The following SYCP1 variants were observed in gnomAD, a reference collection of about 807,000 sequenced individuals.
The protein encoded by SYCP1 is synaptonemal complex protein 1.
In SYCP1, 64 loss-of-function variants were observed where a neutral mutation model predicts 153.1. That is an observed-to-expected ratio of 0.42 (90% confidence interval 0.34 to 0.51). SYCP1 has a LOEUF of 0.51. Among genes scored for constraint, SYCP1 ranks in the 20% least tolerant of loss-of-function variants. The pLI is 0.06. For missense variants in SYCP1, 997 were observed against 1,049.0 expected, an observed-to-expected ratio of 0.95 and a Z score of 0.68; for synonymous variants, 384 against 341.8, an observed-to-expected ratio of 1.12 and a Z score of -1.36.
chr1:114,860,916 C>A (rs1664328522), intron 8 of SYCP1, 107 bp downstream of exon 8: 1 of 736,732 alleles, frequency 1.4e-6, no homozygotes, highest in South Asian at 2.3e-5. Context: ...TTGATTTGAA[C>A]AAATTATATG....
At chr1:114,957,622 A>T (rs1671524472) in intron 27 of SYCP1, among the ~76,000 whole-genome samples, 1 of 152,212 alleles carries the variant, frequency 6.6e-6, no homozygotes, top group Non-Finnish European at 1.5e-5. Context: ...TCTGATTAAA[A>T]ATTGGACAAA....
intron 27 of SYCP1, among the ~76,000 whole-genome samples, chr1:114,976,180 T>G (rs1672781090): frequency 6.6e-6 from 1 of 151,824 alleles, no homozygotes; most frequent in East Asian, 1.9e-4. Flanking sequence ...TTTGTGATAT[T>G]ATTTCAGAAC....
chr1:114,973,400 G>A (rs879056084), intron 27 of SYCP1, among the ~76,000 whole-genome samples: 1 of 151,952 alleles, frequency 6.6e-6, no homozygotes, highest in Admixed American at 6.6e-5. Context: ...CACTCATTAT[G>A]CATTTTCTAG....
At chr1:114,960,284 C>T (rs1415520707) in intron 27 of SYCP1, among the ~76,000 whole-genome samples, 3 of 150,464 alleles carry the variant, frequency 2.0e-5, no homozygotes, top group African/African-American at 7.4e-5. Context: ...TCTCCTGCCT[C>T]AGCCTCCCGA....
At chr1:114,897,471 G>T (rs1306944036) in intron 16 of SYCP1, among the ~76,000 whole-genome samples, 2 of 152,168 alleles carry the variant, frequency 1.3e-5, no homozygotes, top group Admixed American at 1.3e-4. Context: ...AGCCTGACTG[G>T]TAAGAAAAAC....
At chr1:114,868,602 T>G (rs1324325463) in intron 8 of SYCP1, among the ~76,000 whole-genome samples, 4 of 152,212 alleles carry the variant, frequency 2.6e-5, no homozygotes, top group African/African-American at 9.6e-5. Context: ...GCTTCTATCT[T>G]CTGAAAGAGA....
At chr1:114,926,478 A>G in intron 22 of SYCP1, 23 bp from the exon 23 acceptor site, 2 of 1,533,912 alleles carry the variant, frequency 1.3e-6, no homozygotes, top group Non-Finnish European at 1.8e-6. Flanking sequence ...AGTACTAAAT[A>G]TAATTATTTT....
At chr1:114,948,730 C>T (rs1670908252) in intron 27 of SYCP1, among the ~76,000 whole-genome samples, 1 of 152,122 alleles carries the variant, frequency 6.6e-6, no homozygotes, top group Non-Finnish European at 1.5e-5. Flanking sequence ...GAGTACAGGG[C>T]TTTGAAATTT....
At position 114,882,830 on chromosome 1, in the gene SYCP1, G is replaced by A. The variant is rs150101667; in HGVS notation, c.911-2705G>A. On this transcript the variant is annotated intron_variant, in intron 12 of 31. Transcript: ENST00000369522. ...GAACGCTTGGGGTGTCCTGAACTAC[G>A]CAGGTGATTTGAACCTGGGCTGCAA... Among the ~76,000 whole-genome samples the A allele has an allele frequency of 2.3e-3, 344 of 152,252 alleles. 1 individual carries two copies. The highest frequency in any genetic ancestry group is 0.014 in the Middle Eastern group (4 of 294).
intron 21 of SYCP1, among the ~76,000 whole-genome samples, chr1:114,925,256 C>T (rs565934709): frequency 1.3e-4 from 20 of 152,120 alleles, no homozygotes; most frequent in Non-Finnish European, 2.6e-4. Flanking sequence ...AAATTTGTAT[C>T]AGAGGCCACT....
rs1663872628 is a variant in SYCP1, at chr1:114,855,451, C to T, written c.-14C>T. ...CCCCCGGGGCAGTAGATATTTACAA[C>T]CGTAACAGAGAAAATGGAAAAGCAA... On this transcript the variant is annotated 5_prime_UTR_variant, in exon 2 of 32. Transcript: ENST00000369522. 1 of 1,606,086 alleles carries T rather than the reference C, an allele frequency of 6.2e-7. No homozygotes were observed. Among genetic ancestry groups the T allele is most frequent in the Non-Finnish European group, 8.5e-7 (1 of 1,175,452 alleles).
intron 16 of SYCP1, among the ~76,000 whole-genome samples, chr1:114,903,579 C>G (rs1428196632): frequency 6.6e-6 from 1 of 152,154 alleles, no homozygotes; most frequent in Admixed American, 6.5e-5. Flanking sequence ...AATTCATGGC[C>G]TTGTAAATCA....
In SYCP1 at chr1:114,988,213, T is replaced by TG. The variant is rs541245512; in HGVS notation, c.2703+3352dup. Among the ~76,000 whole-genome samples the TG allele has an allele frequency of 1.1e-3, 155 of 145,918 alleles. 1 individual carries two copies. The highest frequency in any genetic ancestry group is 2.4e-3 in the African/African-American group (93 of 39,334). On this transcript the variant is annotated intron_variant, in intron 30 of 31. Coordinates refer to ENST00000369522, the MANE Select transcript of SYCP1 (RefSeq NM_003176.4). ...AGGAGAAGAGGGAGAGAGGAAGAGG[T>TG]GGGGGGGTAGACAGAGAGAGAAAAA...
Position 114,914,063 on chromosome 1 carries a change from G to T in SYCP1, c.1718+18G>T. On this transcript the variant is annotated intron_variant, in intron 20 of 31. Coordinates refer to ENST00000369522, the MANE Select transcript of SYCP1 (RefSeq NM_003176.4). The stretch of plus-strand genomic sequence containing the variant: ...CAATTAAGGCAAGACTAACAAATTG[G>T]CCTTTTTTTGTCTGGCAAAAGATTT... 1.3e-6 allele frequency: 2 copies of T among 1,512,524 alleles called. No individual in the cohort carries two copies. Among genetic ancestry groups the T allele is most frequent in the Non-Finnish European group, 1.8e-6 (2 of 1,133,004 alleles). 93.7% of individuals were successfully genotyped at this position (1,512,524 alleles called of 1,614,324 possible).
intron 30 of SYCP1, among the ~76,000 whole-genome samples, chr1:114,988,080 C>CAATAA (rs1491434882): frequency 9.6e-4 from 110 of 114,632 alleles, no homozygotes; most frequent in Non-Finnish European, 1.4e-3. Flanking sequence ...TGATAAACGG[C>CAATAA]AAAAAAAAAA....
chr1:114,981,577 A>G (rs1673156630), intron 29 of SYCP1, 65 bp downstream of exon 29: 1 of 1,405,234 alleles, frequency 7.1e-7, no homozygotes, highest in Admixed American at 2.4e-5. Context: ...TTCTGTTATC[A>G]CCATATATCT....
intron 15 of SYCP1, among the ~76,000 whole-genome samples, chr1:114,891,409 G>A (rs994586172): frequency 6.6e-6 from 1 of 152,094 alleles, no homozygotes; most frequent in African/African-American, 2.4e-5. Flanking sequence ...ATACAAATAT[G>A]ATTATTCTAT....
chr1:114,879,894 T>G (rs1296056127), intron 12 of SYCP1, among the ~76,000 whole-genome samples: 1 of 152,226 alleles, frequency 6.6e-6, no homozygotes, highest in East Asian at 1.9e-4. Flanking sequence ...ACTGAATTCT[T>G]AACTTTAAAT....
chr1:114,949,753 C>A (rs1395666172), intron 27 of SYCP1, among the ~76,000 whole-genome samples: 1 of 152,128 alleles, frequency 6.6e-6, no homozygotes, highest in Non-Finnish European at 1.5e-5. Flanking sequence ...TCTGTTTTTT[C>A]AGGTCTTATC....
Sources: gnomAD v4.1 joint callset for allele counts (sites outside exome capture counted in the v4.1 genomes callset) on GRCh38, gnomAD v4.1.1 for gene constraint, MANE v1.5 for transcripts, NCBI Gene and HGNC (gene_info 2026-07-23, HGNC 2026-07-21) for gene names.